Variants in DYNLT2B observed in about 807,000 individuals in gnomAD.
DYNLT2B encodes the protein dynein light chain Tctex-type protein 2B.
In DYNLT2B, 14 loss-of-function variants were observed where a neutral mutation model predicts 19.5. That is an observed-to-expected ratio of 0.72 (90% CI 0.47 to 1.12). DYNLT2B has a LOEUF of 1.12. DYNLT2B is among the 50% of genes most tolerant of loss of function. DYNLT2B has a pLI of 0.00. For synonymous variants in DYNLT2B, 70 were observed against 59.7 expected (o/e 1.17, Z -0.79); for missense variants, 133 against 174.7 (o/e 0.76, Z 1.35).
At chr3:196,316,268 T>C in intron 1 of DYNLT2B, 37 bp from the exon 2 acceptor site, 1 of 1,577,654 alleles carries the variant, frequency 6.3e-7, no homozygotes, top group South Asian at 1.2e-5. Context: ...AGTCGGTGAC[T>C]CCACAACCCC....
intron 2 of DYNLT2B, chr3:196,315,265 GC>G (rs1726749858): frequency 7.7e-6 from 3 of 388,628 alleles, no homozygotes; most frequent in African/African-American, 2.3e-5. Flanking sequence ...TTTTTATTTT[GC>G]TTTTTTTTTT....
chr3:196,307,202 A>G (rs1726511141), intron 2 of DYNLT2B, among the ~76,000 whole-genome samples, 190 bp from the exon 3 acceptor site: 1 of 152,150 alleles, frequency 6.6e-6, no homozygotes, highest in Non-Finnish European at 1.5e-5. Flanking sequence ...AACCTCAGAA[A>G]GTAATTTAAC....
At chr3:196,314,244 A>C (rs1726715043) in intron 2 of DYNLT2B, among the ~76,000 whole-genome samples, 1 of 151,962 alleles carries the variant, frequency 6.6e-6, no homozygotes, top group Non-Finnish European at 1.5e-5. Context: ...GGTGGCTCAC[A>C]TCTGTAATCC....
rs752760726 is a variant in DYNLT2B at position 196,318,123 on chromosome 3, C to G, written c.30G>C (p.Ser10=). 8 of 1,555,628 alleles carry G rather than the reference C, an allele frequency of 5.1e-6. No individual in the cohort carries two copies. The African/African-American group carries it at 5.6e-5, about 11-fold the overall frequency. The change falls in exon 1 of 5, where the codon TCG becomes TCC. Residue 10 remains serine (S), a synonymous_variant. Coordinates refer to ENST00000325318, the MANE Select transcript of DYNLT2B (RefSeq NM_152773.5). Reference sequence around the variant, plus strand: ...CAGCCTCAGGCACCCCGTCGCCCACCGAGAAGGACACTCCGATGGACGTGG... The same window carrying G: ...CAGCCTCAGGCACCCCGTCGCCCACGGAGAAGGACACTCCGATGGACGTGG... MATSIGVSF[S]VGDGVPEAEK...
chr3:196,306,729 C>A (rs934786443), intron 3 of DYNLT2B, among the ~76,000 whole-genome samples: 1 of 151,814 alleles, frequency 6.6e-6, no homozygotes, highest in Admixed American at 6.6e-5. Flanking sequence ...TTAGTAGAGA[C>A]GGGGTTTCGC....
chr3:196,305,710 A>AG (rs1039725777), intron 3 of DYNLT2B: 5 of 152,672 alleles, frequency 3.3e-5, no homozygotes, highest in African/African-American at 1.2e-4. Flanking sequence ...CTGAGGCAGG[A>AG]GAATCACTTG....
chr3:196,299,527 C>T (rs189265429), intron 3 of DYNLT2B, among the ~76,000 whole-genome samples: 139 of 152,138 alleles, frequency 9.1e-4, no homozygotes, highest in Admixed American at 2.6e-3. Flanking sequence ...CCAGCAGAGT[C>T]GGCAGTCTTA....
intron 1 of DYNLT2B, among the ~76,000 whole-genome samples, chr3:196,316,587 T>A (rs1232244870): frequency 6.6e-6 from 1 of 151,874 alleles, no homozygotes; most frequent in Non-Finnish European, 1.5e-5. Flanking sequence ...TAAAATAAAA[T>A]AAAAAAATAC....
chr3:196,316,923 GTGTGTTGTGTGGT>G (rs1205312538), intron 1 of DYNLT2B, among the ~76,000 whole-genome samples: 14 of 138,386 alleles, frequency 1.0e-4, no homozygotes, highest in African/African-American at 3.6e-4. Flanking sequence ...TGGTGTGTGT[GTGTGTTGTGTGGT>G]GTGTGTGTGT....
chr3:196,315,601 G>A (rs1183490956), intron 2 of DYNLT2B, among the ~76,000 whole-genome samples: 3 of 151,684 alleles, frequency 2.0e-5, no homozygotes, highest in Non-Finnish European at 2.9e-5. Flanking sequence ...GGCTGGGCGC[G>A]GTGGCTCATG....
At chr3:196,303,246 TAA>T (rs1356992143) in intron 3 of DYNLT2B, among the ~76,000 whole-genome samples, 3 of 151,996 alleles carry the variant, frequency 2.0e-5, no homozygotes, top group African/African-American at 7.2e-5. Flanking sequence ...AAGCTGTCCT[TAA>T]AAACTCTGCT....
At chr3:196,317,963 GCCCAGGT>G in intron 1 of DYNLT2B, 70 bp downstream of exon 1, 1 of 857,132 alleles carries the variant, frequency 1.2e-6, no homozygotes, top group Non-Finnish European at 1.6e-6. Context: ...TCCTTCCGTG[GCCCAGGT>G]CCCAGGCGAG....
chr3:196,299,548 G>A (rs1726299569), intron 3 of DYNLT2B, among the ~76,000 whole-genome samples: 1 of 152,118 alleles, frequency 6.6e-6, no homozygotes, highest in Non-Finnish European at 1.5e-5. Flanking sequence ...ACAAAGCTAA[G>A]GAGGTAAAAT....
At chr3:196,292,602 T>C (rs1221001195) in intron 4 of DYNLT2B, 1 of 152,206 alleles carries the variant, frequency 6.6e-6, no homozygotes, top group Admixed American at 6.5e-5. Context: ...CTTTGTCAAA[T>C]TGCTGTAAGA....
chr3:196,318,129 G>A lies in DYNLT2B; in HGVS notation c.24C>T (p.Ser8=), dbSNP rs1726941565. 3.9e-6 allele frequency: 6 copies of A among 1,550,484 alleles called. No homozygotes were observed. The highest frequency in any genetic ancestry group is 1.4e-5 in the African/African-American group (1 of 70,666). ...CAGGCACCCCGTCGCCCACCGAGAA[G>A]GACACTCCGATGGACGTGGCCATGC... The part of the protein sequence containing the change: MATSIGV[S]FSVGDGVPEA... The change falls in exon 1 of 5, where the codon TCC becomes TCT. Residue 8 remains serine, a synonymous_variant. Coordinates refer to ENST00000325318, the MANE Select transcript of DYNLT2B (RefSeq NM_152773.5).
At chr3:196,291,498 A>G in intron 4 of DYNLT2B, 124 bp from the exon 5 acceptor site, 1 of 977,606 alleles carries the variant, frequency 1.0e-6, no homozygotes, top group East Asian at 2.7e-5. Flanking sequence ...TTCTTTTTTG[A>G]GACAGGGTGT....
At chr3:196,313,039 A>G (rs1726682186) in intron 2 of DYNLT2B, among the ~76,000 whole-genome samples, 1 of 152,084 alleles carries the variant, frequency 6.6e-6, no homozygotes, top group Admixed American at 6.6e-5. Context: ...GAACTCAACA[A>G]TGAAAATGAC....
At chr3:196,299,433 G>C (rs1047674876) in intron 3 of DYNLT2B, among the ~76,000 whole-genome samples, 1 of 151,948 alleles carries the variant, frequency 6.6e-6, no homozygotes, top group Non-Finnish European at 1.5e-5. Flanking sequence ...ATATTGCCCA[G>C]GTTGGTCTCC....
At chr3:196,302,039 G>A (rs1206621381) in intron 3 of DYNLT2B, among the ~76,000 whole-genome samples, 1 of 152,000 alleles carries the variant, frequency 6.6e-6, no homozygotes, top group Non-Finnish European at 1.5e-5. Flanking sequence ...CCCAGGAGGT[G>A]AAGGTTGCGA....
Sources: gnomAD v4.1 joint callset for allele counts (sites outside exome capture counted in the v4.1 genomes callset) on GRCh38, gnomAD v4.1.1 for gene constraint, MANE v1.5 for transcripts, NCBI Gene and HGNC (gene_info 2026-07-23, HGNC 2026-07-21) for gene names.